L3MBTL4: variants seen among roughly 807,000 people sequenced by gnomAD.
L3MBTL4 encodes the protein lethal(3)malignant brain tumor-like protein 4.
In L3MBTL4, 70 loss-of-function variants were observed where a neutral mutation model predicts 84.5. The ratio of observed to expected loss-of-function variants is 0.83; its 90% CI spans 0.68 to 1.01. The LOEUF (loss-of-function observed/expected upper bound fraction) is 1.01. Ranked by LOEUF, L3MBTL4 falls within the 50% of genes least tolerant of loss-of-function variation. The pLI, the probability that L3MBTL4 is intolerant of heterozygous loss-of-function variation, is 0.00. For synonymous variants in L3MBTL4, 274 were observed against 259.8 expected, an observed-to-expected ratio of 1.05 and a Z score of -0.52; for missense variants, 715 against 754.8, an observed-to-expected ratio of 0.95 and a Z score of 0.62.
chr18:6,383,773 T>A (rs1024257656), intron 1 of L3MBTL4, among the ~76,000 whole-genome samples: 2 of 152,194 alleles, frequency 1.3e-5, no homozygotes, highest in African/African-American at 4.8e-5. Context: ...TTGCCAGCAA[T>A]CCCTATTAAA....
intron 16 of L3MBTL4, among the ~76,000 whole-genome samples, chr18:6,022,963 T>G (rs1282262403): frequency 6.6e-6 from 1 of 152,154 alleles, no homozygotes; most frequent in African/African-American, 2.4e-5. Flanking sequence ...CCTCCTGACC[T>G]TGCGTAAATT....
At chr18:6,195,306 C>G (rs982600562) in intron 12 of L3MBTL4, among the ~76,000 whole-genome samples, 1 of 152,188 alleles carries the variant, frequency 6.6e-6, no homozygotes, top group Non-Finnish European at 1.5e-5. Context: ...CATTCAGCCA[C>G]GGAATTCCCC....
chr18:6,156,352 ATACCAAATAAATCTCTATTCAAT>A (rs374752596), intron 13 of L3MBTL4, among the ~76,000 whole-genome samples: 1 of 149,458 alleles, frequency 6.7e-6, no homozygotes, highest in African/African-American at 2.6e-5. Flanking sequence ...TACATTAGAG[ATACCAAATAAATCTCTATTCAAT>A]TACCACAACA....
At chr18:6,314,947 T>A (rs984518910) in intron 1 of L3MBTL4, among the ~76,000 whole-genome samples, 1 of 152,234 alleles carries the variant, frequency 6.6e-6, no homozygotes, top group African/African-American at 2.4e-5. Context: ...GGTACGTCTG[T>A]CTTCTGCCAC....
chr18:6,216,072 AG>A (rs2046314476), intron 10 of L3MBTL4, among the ~76,000 whole-genome samples: 1 of 152,182 alleles, frequency 6.6e-6, no homozygotes, highest in African/African-American at 2.4e-5. Context: ...AACAAGGTTA[AG>A]TGAGTTGGCC....
chr18:6,174,801 G>A (rs143183308), intron 12 of L3MBTL4, among the ~76,000 whole-genome samples: 351 of 151,022 alleles, frequency 2.3e-3, no homozygotes, highest in African/African-American at 8.2e-3. Context: ...ATGGGAAGCG[G>A]AGTTTGCAGT....
rs1186525293 is a variant in L3MBTL4 at position 6,311,204 on chromosome 18, C to T, written c.72+350G>A. Among the ~76,000 whole-genome samples, 5 of 151,988 alleles carry T rather than the reference C, an allele frequency of 3.3e-5. No individual in the cohort carries two copies. In the East Asian group the frequency reaches 7.8e-4, roughly 24 times the overall value. On this transcript the variant is annotated intron_variant, in intron 3 of 18. Coordinates refer to ENST00000317931, the MANE Select transcript of L3MBTL4 (RefSeq NM_001330559.2). The stretch of plus-strand genomic sequence containing the variant: ...TACACAAACACAAAAATATCACACA[C>T]ATATACACATACGGTCATCCTAGGG...
At chr18:6,155,048 T>C (rs548009483) in intron 13 of L3MBTL4, among the ~76,000 whole-genome samples, 1 of 152,316 alleles carries the variant, frequency 6.6e-6, no homozygotes, top group East Asian at 1.9e-4. Context: ...TTATAATTCT[T>C]TGGAACAATA....
chr18:6,301,796 T>C, intron 4 of L3MBTL4, 107 bp downstream of exon 4: 2 of 836,686 alleles, frequency 2.4e-6, no homozygotes, highest in South Asian at 2.7e-5. Flanking sequence ...TAGATATTAT[T>C]ATCACATATT....
intron 16 of L3MBTL4, among the ~76,000 whole-genome samples, chr18:6,034,222 G>A (rs1003616659): frequency 6.6e-6 from 1 of 151,822 alleles, no homozygotes; most frequent in African/African-American, 2.4e-5. Flanking sequence ...ATGTATACAT[G>A]TGCCATGCTG....
intron 4 of L3MBTL4, among the ~76,000 whole-genome samples, chr18:6,298,308 A>C (rs1013336597): frequency 9.9e-5 from 15 of 152,276 alleles, no homozygotes; most frequent in African/African-American, 3.6e-4. Context: ...ATTCATTTTT[A>C]GCCACTTTGA....
rs561152018 is a variant in L3MBTL4 at position 6,293,068 on chromosome 18, T to C, written c.127+8835A>G. ...CCAGTCTGTGTGCATACCCCAACTATAGTGTATACCCCAACTATAATTCTT... is the reference window on the plus strand; with the variant it reads ...CCAGTCTGTGTGCATACCCCAACTACAGTGTATACCCCAACTATAATTCTT... On this transcript the variant is annotated intron_variant, in intron 4 of 18. Transcript: ENST00000317931. Among the ~76,000 whole-genome samples, 6 of 152,350 alleles carry C rather than the reference T, an allele frequency of 3.9e-5. No homozygotes were observed. In the South Asian group the frequency reaches 1.0e-3, roughly 26 times the overall value.
At chr18:6,059,295 T>C (rs547653536) in intron 16 of L3MBTL4, among the ~76,000 whole-genome samples, 1 of 152,178 alleles carries the variant, frequency 6.6e-6, no homozygotes. Context: ...GTGTTCAGAG[T>C]TGTCACTCCC....
intron 9 of L3MBTL4, among the ~76,000 whole-genome samples, chr18:6,239,278 T>G (rs1381787157): frequency 2.7e-5 from 4 of 148,456 alleles, no homozygotes; most frequent in Non-Finnish European, 5.9e-5. Context: ...GAGGCGAAGC[T>G]TGCAGTGAGC....
chr18:6,274,308 T>G (rs751810114), intron 4 of L3MBTL4, among the ~76,000 whole-genome samples: 2 of 152,180 alleles, frequency 1.3e-5, no homozygotes, highest in Non-Finnish European at 2.9e-5. Flanking sequence ...CCACAAGCCC[T>G]CCAGGTGATT....
intron 16 of L3MBTL4, among the ~76,000 whole-genome samples, chr18:5,977,301 G>A (rs1385089175): frequency 1.3e-5 from 2 of 152,212 alleles, no homozygotes; most frequent in African/African-American, 4.8e-5. Context: ...GGTTTCCTCA[G>A]TGGCTACCCA....
intron 4 of L3MBTL4, among the ~76,000 whole-genome samples, chr18:6,290,142 C>T (rs541703626): frequency 6.6e-6 from 1 of 152,234 alleles, no homozygotes; most frequent in South Asian, 2.1e-4. Context: ...GGCTGATCTC[C>T]TGGGCTCAAA....
At chr18:6,346,382 T>A in intron 1 of L3MBTL4, among the ~76,000 whole-genome samples, 1 of 151,538 alleles carries the variant, frequency 6.6e-6, no homozygotes, top group Non-Finnish European at 1.5e-5. Flanking sequence ...GCAAAGGAAA[T>A]CAATCACCAA....
intron 16 of L3MBTL4, among the ~76,000 whole-genome samples, chr18:6,079,331 C>T (rs1274157143): frequency 1.3e-5 from 2 of 152,154 alleles, no homozygotes; most frequent in African/African-American, 2.4e-5. Context: ...CACCTAAGGC[C>T]GACTGCTCCT....
Sources: gnomAD v4.1 joint callset for allele counts (sites outside exome capture counted in the v4.1 genomes callset) on GRCh38, gnomAD v4.1.1 for gene constraint, MANE v1.5 for transcripts, NCBI Gene and HGNC (gene_info 2026-07-23, HGNC 2026-07-21) for gene names.